The following DCC variants were observed in gnomAD, a reference collection of about 807,000 sequenced individuals.
The protein encoded by DCC is netrin receptor DCC.
In DCC, 58 loss-of-function variants were observed where a neutral mutation model predicts 172.5. The observed-to-expected ratio is 0.34, with a 90% CI of 0.27 to 0.42. DCC has a LOEUF of 0.42. Ranked by LOEUF, DCC falls within the 10% of genes least tolerant of loss-of-function variation. The probability of loss-of-function intolerance (pLI) is 1.00; values close to 1 mark genes in which losing one functional copy is unlikely to be tolerated. For synonymous variants in DCC, 709 were observed against 644.5 expected (o/e 1.10, Z -1.52); for missense variants, 1,740 against 1,791.0 (o/e 0.97, Z 0.51).
At chr18:52,908,024 T>C (rs1298767614) in intron 3 of DCC, among the ~76,000 whole-genome samples, 1 of 152,208 alleles carries the variant, frequency 6.6e-6, no homozygotes, top group Non-Finnish European at 1.5e-5. Flanking sequence ...GCCGAACTTG[T>C]AAGACTGACT....
At chr18:52,664,440 G>GGCCCCAA (rs1329484870) in intron 1 of DCC, among the ~76,000 whole-genome samples, 3 of 150,526 alleles carry the variant, frequency 2.0e-5, no homozygotes, top group South Asian at 4.2e-4. Flanking sequence ...TCAGTTCAGT[G>GGCCCCAA]GCCCCAAATA....
intron 2 of DCC, among the ~76,000 whole-genome samples, chr18:52,815,430 AC>A (rs1287711262): frequency 2.6e-5 from 4 of 151,832 alleles, no homozygotes; most frequent in African/African-American, 9.7e-5. Context: ...ACACACACAC[AC>A]ACACACGTTC....
At chr18:52,920,933 T>C (rs2040115152) in intron 3 of DCC, among the ~76,000 whole-genome samples, 1 of 152,170 alleles carries the variant, frequency 6.6e-6, no homozygotes, top group African/African-American at 2.4e-5. Context: ...AAAGGCTATG[T>C]ACTTTATGAT....
At chr18:53,079,886 G>A (rs150948458) in intron 7 of DCC, among the ~76,000 whole-genome samples, 1 of 152,142 alleles carries the variant, frequency 6.6e-6, no homozygotes, top group Non-Finnish European at 1.5e-5. Flanking sequence ...GTTCTGTAAG[G>A]CTGTAGAGAT....
intron 2 of DCC, among the ~76,000 whole-genome samples, chr18:52,896,029 C>A (rs541315300): frequency 4.6e-5 from 7 of 152,268 alleles, no homozygotes; most frequent in Admixed American, 2.6e-4. Context: ...AGGTGATTCG[C>A]CTGCTTAGGC....
intron 5 of DCC, among the ~76,000 whole-genome samples, chr18:52,941,610 G>T (rs1481064613): frequency 6.6e-6 from 1 of 151,394 alleles, no homozygotes; most frequent in Non-Finnish European, 1.5e-5. Flanking sequence ...CCTTTTAAAA[G>T]GAAATATTTT....
At chr18:53,194,350 G>T (rs2055411922) in intron 9 of DCC, among the ~76,000 whole-genome samples, 1 of 152,028 alleles carries the variant, frequency 6.6e-6, no homozygotes, top group Non-Finnish European at 1.5e-5. Context: ...TTTATGAGGA[G>T]GTTAAAAGGC....
intron 20 of DCC, among the ~76,000 whole-genome samples, chr18:53,413,316 G>C (rs1421832610): frequency 6.6e-6 from 1 of 152,152 alleles, no homozygotes. Flanking sequence ...AGCACTGAAA[G>C]CTTTGGACCA....
At chr18:52,716,036 T>C (rs955444113) in intron 1 of DCC, among the ~76,000 whole-genome samples, 4 of 152,046 alleles carry the variant, frequency 2.6e-5, no homozygotes, top group Admixed American at 6.5e-5. Flanking sequence ...GAATCCTTTC[T>C]TGCTCTTCAA....
intron 1 of DCC, among the ~76,000 whole-genome samples, chr18:52,382,075 A>T (rs1985610423): frequency 6.6e-6 from 1 of 152,176 alleles, no homozygotes; most frequent in African/African-American, 2.4e-5. Flanking sequence ...AAGAAGCTGC[A>T]TGCTGCACAC....
chr18:53,114,771 G>A (rs2043386792), intron 7 of DCC, among the ~76,000 whole-genome samples: 1 of 151,606 alleles, frequency 6.6e-6, no homozygotes, highest in African/African-American at 2.4e-5. Context: ...ATAGATTTCT[G>A]TGGGCCCTGG....
intron 3 of DCC, among the ~76,000 whole-genome samples, chr18:52,921,948 A>G (rs1210224668): frequency 6.6e-6 from 1 of 151,970 alleles, no homozygotes; most frequent in Non-Finnish European, 1.5e-5. Flanking sequence ...ATAGGCCTCT[A>G]ATATCAAGGC....
chr18:53,165,510 A>G (rs536846627), intron 8 of DCC, among the ~76,000 whole-genome samples: 7 of 152,220 alleles, frequency 4.6e-5, no homozygotes, highest in Non-Finnish European at 1.0e-4. Context: ...AATCCTAAGC[A>G]TGACATTCTG....
intron 12 of DCC, among the ~76,000 whole-genome samples, chr18:53,273,818 GAGT>G (rs2056775108): frequency 6.6e-6 from 1 of 151,310 alleles, no homozygotes; most frequent in African/African-American, 2.4e-5. Flanking sequence ...TTGTCCCAGT[GAGT>G]TATCTCAATT....
At chr18:53,013,468 C>A (rs2041760740) in intron 5 of DCC, among the ~76,000 whole-genome samples, 1 of 151,992 alleles carries the variant, frequency 6.6e-6, no homozygotes, top group African/African-American at 2.4e-5. Context: ...GCCACATGTT[C>A]TCACTCATAA....
rs531129900 is a variant in DCC, at chr18:52,950,793, C to T, written c.985+25423C>T. Among the ~76,000 whole-genome samples, 479 of 151,408 alleles carry T rather than the reference C, an allele frequency of 3.2e-3. 2 individuals are homozygous for T. In the Middle Eastern group the frequency reaches 0.041, roughly 13 times the overall value. On this transcript the variant is annotated intron_variant, in intron 5 of 28. Coordinates refer to ENST00000442544, the MANE Select transcript of DCC (RefSeq NM_005215.4). ...GAAAAAAATTAGCTGGGCGTGGTGG[C>T]GGGCGCCTGTAGTCCCAGCTACTCG...
At chr18:53,212,444 ATAT>A (rs2055769236) in intron 11 of DCC, among the ~76,000 whole-genome samples, 1 of 152,142 alleles carries the variant, frequency 6.6e-6, no homozygotes, top group Non-Finnish European at 1.5e-5. Flanking sequence ...TCTCCAAATA[ATAT>A]GGAAATTGAT....
intron 1 of DCC, among the ~76,000 whole-genome samples, chr18:52,650,273 C>A (rs530573700): frequency 6.6e-6 from 1 of 152,000 alleles, no homozygotes. Flanking sequence ...GCCACCACAC[C>A]CGGCCTCTAT....
chr18:52,732,898 C>T (rs140698803), intron 1 of DCC, among the ~76,000 whole-genome samples: 11 of 152,118 alleles, frequency 7.2e-5, no homozygotes, highest in African/African-American at 7.2e-5. Flanking sequence ...CTAGTAGTTA[C>T]GTTCATGCTG....
Sources: gnomAD v4.1 joint callset for allele counts (sites outside exome capture counted in the v4.1 genomes callset) on GRCh38, gnomAD v4.1.1 for gene constraint, MANE v1.5 for transcripts, NCBI Gene and HGNC (gene_info 2026-07-23, HGNC 2026-07-21) for gene names.